The following CAMK2D variants were observed in gnomAD, a reference collection of about 807,000 sequenced individuals.
CAMK2D encodes the protein calcium/calmodulin-dependent protein kinase type II subunit delta.
CAMK2D carries 37 observed loss-of-function variants against 84.0 expected under a neutral mutation model. The ratio of observed to expected loss-of-function variants is 0.44; its 90% CI spans 0.34 to 0.58. CAMK2D has a LOEUF of 0.58. Among genes scored for constraint, CAMK2D ranks in the 20% least tolerant of loss-of-function variants. The pLI, the probability that CAMK2D is intolerant of heterozygous loss-of-function variation, is 0.02. For synonymous variants in CAMK2D, 202 were observed against 212.5 expected (o/e 0.95, Z 0.43); for missense variants, 448 against 652.5 (o/e 0.69, Z 3.41).
intron 7 of CAMK2D, 133 bp downstream of exon 7, chr4:113,537,208 C>A: frequency 1.8e-6 from 1 of 545,600 alleles, no homozygotes. Flanking sequence ...TATAAAGGCA[C>A]AATATCTAAA....
chr4:113,542,429 T>C (rs1483185767), intron 6 of CAMK2D, among the ~76,000 whole-genome samples: 1 of 152,062 alleles, frequency 6.6e-6, no homozygotes, highest in Admixed American at 6.5e-5. Flanking sequence ...TAACAAGAAT[T>C]TACTGGCCGG....
At chr4:113,476,117 T>A (rs770630107) in intron 16 of CAMK2D, among the ~76,000 whole-genome samples, 3 of 151,896 alleles carry the variant, frequency 2.0e-5, no homozygotes, top group Non-Finnish European at 2.9e-5. Flanking sequence ...ATGTCAGGAG[T>A]ATGTTGCATT....
At chr4:113,614,017 A>G (rs2099011694) in intron 3 of CAMK2D, among the ~76,000 whole-genome samples, 1 of 152,116 alleles carries the variant, frequency 6.6e-6, no homozygotes. Context: ...ATCCATTTTG[A>G]TGACACATGT....
chr4:113,500,637 G>A, intron 15 of CAMK2D, 126 bp from the exon 16 acceptor site: 1 of 539,642 alleles, frequency 1.9e-6, no homozygotes, highest in Non-Finnish European at 3.3e-6. Flanking sequence ...ATGCTGACAT[G>A]CAAATGGACA....
rs1591137647 is a variant in CAMK2D at position 113,553,699 on chromosome 4, A to G, written c.276-1603T>C. On this transcript the variant is annotated intron_variant, in intron 4 of 20. Coordinates refer to ENST00000511664, the MANE Select transcript of CAMK2D (RefSeq NM_001321571.2). ...ATTTTCACATATAAAATGTTTACCTAAGATTATCATATAAATCTTCATATA... is the reference window on the plus strand; with the variant it reads ...ATTTTCACATATAAAATGTTTACCTGAGATTATCATATAAATCTTCATATA... Among the ~76,000 whole-genome samples, 3 of 152,192 alleles carry G rather than the reference A, an allele frequency of 2.0e-5. No individual in the cohort carries two copies. The East Asian group carries it at 5.8e-4, about 29-fold the overall frequency.
chr4:113,735,946 T>G (rs886439336), intron 2 of CAMK2D, among the ~76,000 whole-genome samples: 2 of 152,114 alleles, frequency 1.3e-5, no homozygotes, highest in Admixed American at 6.5e-5. Flanking sequence ...TATCCTGTTG[T>G]TTATCCTCTT....
At chr4:113,541,983 T>C (rs2098532987) in intron 6 of CAMK2D, among the ~76,000 whole-genome samples, 1 of 152,272 alleles carries the variant, frequency 6.6e-6, no homozygotes, top group Non-Finnish European at 1.5e-5. Context: ...AAGGAGTTTC[T>C]AGCAGATGTA....
intron 16 of CAMK2D, among the ~76,000 whole-genome samples, chr4:113,479,302 C>G (rs2097670142): frequency 6.6e-6 from 1 of 151,998 alleles, no homozygotes; most frequent in Non-Finnish European, 1.5e-5. Flanking sequence ...TTTTCTTTTC[C>G]TCTCAGCAGT....
intron 16 of CAMK2D, among the ~76,000 whole-genome samples, chr4:113,480,950 A>G (rs564021686): frequency 6.6e-6 from 1 of 152,310 alleles, no homozygotes; most frequent in East Asian, 1.9e-4. Context: ...CGTTCACCAG[A>G]CATCAAGTCT....
intron 2 of CAMK2D, among the ~76,000 whole-genome samples, chr4:113,730,750 A>G (rs1221654850): frequency 6.6e-6 from 1 of 152,216 alleles, no homozygotes; most frequent in Non-Finnish European, 1.5e-5. Context: ...CCTCACAGCA[A>G]CTTTCTTCCA....
intron 16 of CAMK2D, among the ~76,000 whole-genome samples, chr4:113,481,018 C>T (rs2097695094): frequency 6.6e-6 from 1 of 152,192 alleles, no homozygotes; most frequent in Non-Finnish European, 1.5e-5. Context: ...TAAATTTCTA[C>T]TATTTATAAA....
At chr4:113,677,775 A>G (rs547293619) in intron 2 of CAMK2D, among the ~76,000 whole-genome samples, 2 of 152,282 alleles carry the variant, frequency 1.3e-5, no homozygotes, top group East Asian at 3.9e-4. Context: ...TGAATTAAAG[A>G]GATAAGTCAG....
At chr4:113,734,441 A>G (rs1164355399) in intron 2 of CAMK2D, among the ~76,000 whole-genome samples, 1 of 152,228 alleles carries the variant, frequency 6.6e-6, no homozygotes, top group African/African-American at 2.4e-5. Flanking sequence ...CTAAGGTAGT[A>G]GAATTTTTAC....
intron 2 of CAMK2D, among the ~76,000 whole-genome samples, chr4:113,672,668 T>A (rs540426534): frequency 1.2e-4 from 18 of 151,792 alleles, no homozygotes; most frequent in African/African-American, 4.3e-4. Context: ...TATATTTTAA[T>A]TCTATTAATT....
chr4:113,466,813 C>T (rs1264422422), intron 16 of CAMK2D, among the ~76,000 whole-genome samples: 5 of 152,180 alleles, frequency 3.3e-5, no homozygotes, highest in Non-Finnish European at 5.9e-5. Flanking sequence ...CTGTATCACT[C>T]GGCAATTATG....
intron 13 of CAMK2D, among the ~76,000 whole-genome samples, chr4:113,507,132 C>A (rs771811210): frequency 3.3e-5 from 5 of 152,198 alleles, no homozygotes; most frequent in Non-Finnish European, 7.4e-5. Flanking sequence ...TATGGAAAAT[C>A]TTTTGCAGTT....
chr4:113,712,444 T>C (rs1289371817), intron 2 of CAMK2D, among the ~76,000 whole-genome samples: 1 of 152,178 alleles, frequency 6.6e-6, no homozygotes, highest in Non-Finnish European at 1.5e-5. Context: ...CAAATATACT[T>C]CTATTTAAAG....
chr4:113,458,042 G>A (rs868041898), intron 18 of CAMK2D, among the ~76,000 whole-genome samples: 1 of 152,132 alleles, frequency 6.6e-6, no homozygotes, highest in African/African-American at 2.4e-5. Flanking sequence ...CAAGTTTCAG[G>A]TATAGACATC....
intron 2 of CAMK2D, among the ~76,000 whole-genome samples, chr4:113,715,343 G>C (rs568088220): frequency 1.3e-5 from 2 of 151,974 alleles, no homozygotes; most frequent in Admixed American, 6.6e-5. Flanking sequence ...TAAAGGAAAT[G>C]TTTCTAGGTT....
Sources: gnomAD v4.1 joint callset for allele counts (sites outside exome capture counted in the v4.1 genomes callset) on GRCh38, gnomAD v4.1.1 for gene constraint, MANE v1.5 for transcripts, NCBI Gene and HGNC (gene_info 2026-07-23, HGNC 2026-07-21) for gene names.